DYNC1I1: variants seen among roughly 807,000 people sequenced by gnomAD.
The protein encoded by DYNC1I1 is cytoplasmic dynein 1 intermediate chain 1.
A neutral mutation model predicts 86.6 loss-of-function variants in DYNC1I1; 43 were observed. The ratio of observed to expected loss-of-function variants is 0.50; its 90% confidence interval spans 0.39 to 0.64. The LOEUF is 0.64. DYNC1I1 is among the 30% of genes least tolerant of loss of function. DYNC1I1 has a pLI of 0.00. For synonymous variants in DYNC1I1, 262 were observed against 283.7 expected, an observed-to-expected ratio of 0.92 and a Z score of 0.77; for missense variants, 604 against 788.8, an observed-to-expected ratio of 0.77 and a Z score of 2.81.
chr7:96,059,163 A>G (rs1360580849), intron 14 of DYNC1I1, among the ~76,000 whole-genome samples: 1 of 152,164 alleles, frequency 6.6e-6, no homozygotes, highest in Non-Finnish European at 1.5e-5. Flanking sequence ...TGGTTCATTG[A>G]CATTGGATCC....
At chr7:95,860,353 A>G (rs1427073919) in intron 5 of DYNC1I1, among the ~76,000 whole-genome samples, 3 of 152,194 alleles carry the variant, frequency 2.0e-5, no homozygotes, top group Admixed American at 2.0e-4. Context: ...AAGGAAGAAA[A>G]TAGCACCATT....
At chr7:95,867,253 T>C (rs904218281) in intron 5 of DYNC1I1, among the ~76,000 whole-genome samples, 1 of 152,194 alleles carries the variant, frequency 6.6e-6, no homozygotes, top group Non-Finnish European at 1.5e-5. Flanking sequence ...ATTATAATCA[T>C]CAGAACAGAT....
chr7:96,090,680 T>C (rs1359538537), intron 16 of DYNC1I1, among the ~76,000 whole-genome samples: 1 of 152,130 alleles, frequency 6.6e-6, no homozygotes, highest in Non-Finnish European at 1.5e-5. Flanking sequence ...TCAAATACCA[T>C]CTGACCACCA....
intron 6 of DYNC1I1, among the ~76,000 whole-genome samples, chr7:95,917,775 C>T (rs1486367329): frequency 6.6e-6 from 1 of 152,170 alleles, no homozygotes; most frequent in Non-Finnish European, 1.5e-5. Flanking sequence ...GGGCACTCGC[C>T]GTCCTTCATA....
intron 6 of DYNC1I1, among the ~76,000 whole-genome samples, chr7:95,896,993 A>G (rs1790898436): frequency 6.6e-6 from 1 of 152,234 alleles, no homozygotes; most frequent in Non-Finnish European, 1.5e-5. Flanking sequence ...TATAACTTGT[A>G]AGACCAACAT....
At chr7:95,899,952 G>T (rs920468221) in intron 6 of DYNC1I1, among the ~76,000 whole-genome samples, 2 of 152,136 alleles carry the variant, frequency 1.3e-5, no homozygotes, top group African/African-American at 4.8e-5. Context: ...AGAAATAGTG[G>T]TGAATAATGT....
At chr7:95,859,353 C>G (rs1434021136) in intron 5 of DYNC1I1, among the ~76,000 whole-genome samples, 1 of 152,070 alleles carries the variant, frequency 6.6e-6, no homozygotes. Context: ...TATTTTGACC[C>G]TTTGGGAATG....
chr7:95,809,929 T>TA (rs1190737981), intron 2 of DYNC1I1, among the ~76,000 whole-genome samples: 3 of 152,116 alleles, frequency 2.0e-5, no homozygotes, highest in African/African-American at 7.2e-5. Context: ...GTTTTATAGT[T>TA]AAAAATTTTC....
intron 6 of DYNC1I1, among the ~76,000 whole-genome samples, chr7:95,977,005 G>A (rs933443003): frequency 6.6e-6 from 1 of 152,154 alleles, no homozygotes; most frequent in Non-Finnish European, 1.5e-5. Context: ...GACTTTGGGG[G>A]CCCTTCCCTT....
chr7:96,110,229 G>A (rs1327353814), downstream of DYNC1I1: 42 of 246,898 alleles, frequency 1.7e-4, no homozygotes, highest in Admixed American at 2.3e-3. Flanking sequence ...ACATATTGAG[G>A]ATTTCATGTG....
chr7:95,864,589 A>G (rs1461868644), intron 5 of DYNC1I1, among the ~76,000 whole-genome samples: 2 of 152,172 alleles, frequency 1.3e-5, no homozygotes, highest in African/African-American at 4.8e-5. Context: ...GACAAGACCA[A>G]GTCAGCTTGT....
At position 95,870,015 on chromosome 7, in the gene DYNC1I1, G is replaced by A. The variant is rs552010203; in HGVS notation, c.490+17G>A. On this transcript the variant is annotated intron_variant, in intron 6 of 16. Coordinates refer to ENST00000447467, the MANE Select transcript of DYNC1I1 (RefSeq NM_001135556.2). ...AGTCTGAAGGTAAACTATGTCTTTG[G>A]CTTACTTTCCATATTATCTCTGGAG... 3.9e-5 allele frequency: 62 copies of A among 1,597,802 alleles called. No individual in the cohort carries two copies. In the South Asian group the frequency reaches 6.3e-4, roughly 16 times the overall value.
intron 4 of DYNC1I1, among the ~76,000 whole-genome samples, chr7:95,827,345 A>G (rs1795223602): frequency 6.6e-6 from 1 of 152,208 alleles, no homozygotes; most frequent in Non-Finnish European, 1.5e-5. Context: ...TGTTTATAGA[A>G]GAGCCATTTA....
intron 10 of DYNC1I1, among the ~76,000 whole-genome samples, chr7:95,998,401 C>T (rs1793924626): frequency 6.6e-6 from 1 of 152,238 alleles, no homozygotes. Flanking sequence ...CTAGACGTGG[C>T]TATCTTTACC....
chr7:95,790,741 CAA>C (rs1231936350), intron 1 of DYNC1I1, among the ~76,000 whole-genome samples: 1 of 152,050 alleles, frequency 6.6e-6, no homozygotes, highest in Non-Finnish European at 1.5e-5. Flanking sequence ...AGAGAAGATG[CAA>C]AAAAACACAA....
intron 10 of DYNC1I1, among the ~76,000 whole-genome samples, chr7:96,003,692 G>C (rs1453636063): frequency 6.6e-6 from 1 of 152,168 alleles, no homozygotes; most frequent in African/African-American, 2.4e-5. Flanking sequence ...AAAGGAACCA[G>C]TACAGAGCAG....
intron 14 of DYNC1I1, among the ~76,000 whole-genome samples, chr7:96,064,022 C>G (rs1472476972): frequency 6.6e-6 from 1 of 152,140 alleles, no homozygotes. Context: ...GGTGGCTTGG[C>G]TGATGCTGAA....
intron 6 of DYNC1I1, among the ~76,000 whole-genome samples, chr7:95,872,012 C>T (rs914605173): frequency 7.2e-5 from 11 of 152,222 alleles, no homozygotes; most frequent in African/African-American, 2.7e-4. Flanking sequence ...AACTGCCCCT[C>T]ACCACAGGCG....
chr7:96,051,907 A>G (rs910195295), intron 14 of DYNC1I1, among the ~76,000 whole-genome samples: 1 of 152,218 alleles, frequency 6.6e-6, no homozygotes, highest in South Asian at 2.1e-4. Flanking sequence ...TTAAATGATT[A>G]TGTATTACAA....
Sources: gnomAD v4.1 joint callset for allele counts (sites outside exome capture counted in the v4.1 genomes callset) on GRCh38, gnomAD v4.1.1 for gene constraint, MANE v1.5 for transcripts, NCBI Gene and HGNC (gene_info 2026-07-23, HGNC 2026-07-21) for gene names.